Variants in LRRTM4 observed in about 807,000 individuals in gnomAD.
The protein encoded by LRRTM4 is leucine rich repeat transmembrane neuronal 4, also known as leucine-rich repeat transmembrane neuronal protein 4.
LRRTM4 carries 25 observed loss-of-function variants against 47.6 expected under a neutral mutation model. That is an observed-to-expected ratio of 0.53 (90% CI 0.38 to 0.73). The LOEUF (loss-of-function observed/expected upper bound fraction) is 0.73, where lower values mean the gene tolerates loss of function less well. Ranked by LOEUF, LRRTM4 falls within the 30% of genes least tolerant of loss-of-function variation. The pLI is 0.00. For synonymous variants in LRRTM4, 311 were observed against 269.5 expected (o/e 1.15, Z -1.51); for missense variants, 638 against 713.4 (o/e 0.89, Z 1.20).
intron 3 of LRRTM4, among the ~76,000 whole-genome samples, chr2:77,097,514 C>T (rs1670842575): frequency 1.3e-5 from 2 of 151,770 alleles, no homozygotes; most frequent in Admixed American, 1.3e-4. Context: ...ATCACAGTCA[C>T]TGAACAAGAT....
At chr2:77,443,740 A>G (rs1675936474) in intron 3 of LRRTM4, among the ~76,000 whole-genome samples, 1 of 152,152 alleles carries the variant, frequency 6.6e-6, no homozygotes, top group Non-Finnish European at 1.5e-5. Flanking sequence ...TGGGTCTTGT[A>G]ATACTTTATA....
At chr2:76,935,694 G>C (rs561710401) in intron 3 of LRRTM4, among the ~76,000 whole-genome samples, 3 of 152,156 alleles carry the variant, frequency 2.0e-5, no homozygotes, top group African/African-American at 7.2e-5. Context: ...CATTGATTTT[G>C]TATCCTGAGA....
At chr2:77,418,077 A>G (rs1222886933) in intron 3 of LRRTM4, among the ~76,000 whole-genome samples, 2 of 152,144 alleles carry the variant, frequency 1.3e-5, no homozygotes, top group African/African-American at 4.8e-5. Flanking sequence ...GCAAACTTTC[A>G]TTAGGGAAGC....
chr2:76,954,787 T>C (rs897282412), intron 3 of LRRTM4, among the ~76,000 whole-genome samples: 15 of 151,934 alleles, frequency 9.9e-5, no homozygotes, highest in Non-Finnish European at 2.2e-4. Flanking sequence ...TTCTAAGCAA[T>C]ATGAGAAAAG....
chr2:77,459,759 CAAAAAAA>C (rs59472827), intron 3 of LRRTM4, among the ~76,000 whole-genome samples: 1 of 126,334 alleles, frequency 7.9e-6, no homozygotes. Flanking sequence ...CTGGTTTTAG[CAAAAAAA>C]AAAAAAAAAA....
chr2:77,077,190 CTTCTT>C (rs931332074), intron 3 of LRRTM4, among the ~76,000 whole-genome samples: 11 of 152,270 alleles, frequency 7.2e-5, no homozygotes, highest in South Asian at 4.1e-4. Flanking sequence ...TGATATAACA[CTTCTT>C]TTCATGTAGC....
chr2:76,840,741 A>G (rs548967447), intron 3 of LRRTM4, among the ~76,000 whole-genome samples: 1 of 152,298 alleles, frequency 6.6e-6, no homozygotes, highest in East Asian at 1.9e-4. Flanking sequence ...TGATATCTGA[A>G]TTCTTGTTTC....
intron 3 of LRRTM4, among the ~76,000 whole-genome samples, chr2:76,974,197 CATAT>C (rs58279690): frequency 0.012 from 1,414 of 118,112 alleles, 25 homozygotes; most frequent in African/African-American, 0.022. Flanking sequence ...CATATATATA[CATAT>C]ATATATATAC....
intron 3 of LRRTM4, among the ~76,000 whole-genome samples, chr2:77,237,980 T>C (rs1675151185): frequency 6.6e-6 from 1 of 152,094 alleles, no homozygotes; most frequent in Admixed American, 6.6e-5. Flanking sequence ...AACTGGTTGC[T>C]ATGGGTATGG....
Position 76,748,384 on chromosome 2 carries a change from C to G in LRRTM4, c.*311G>C, listed in dbSNP as rs6733240. 1 of 348,296 alleles carries G rather than the reference C, an allele frequency of 2.9e-6. No homozygotes were observed. Among genetic ancestry groups the G allele is most frequent in the Non-Finnish European group, 5.3e-6 (1 of 187,454 alleles). The allele number at this position is 348,296 out of a possible 1,614,324, so 21.6% of individuals were successfully genotyped here. A position where few individuals can be genotyped will look rare whatever the true frequency, so the allele number is the denominator to read the frequency against. Reference sequence around the variant, plus strand: ...AGAAAAATCAAATATACAAACAAACCTATATGTAGCTAGGGTGAAATCTAT... The same window carrying G: ...AGAAAAATCAAATATACAAACAAACGTATATGTAGCTAGGGTGAAATCTAT... On this transcript the variant is annotated 3_prime_UTR_variant, in exon 4 of 4. Transcript: ENST00000409884.
intron 3 of LRRTM4, among the ~76,000 whole-genome samples, chr2:76,816,820 T>G (rs1402569942): frequency 8.6e-5 from 2 of 23,300 alleles, no homozygotes; most frequent in South Asian, 5.2e-3. Flanking sequence ...AGGTAAAGAG[T>G]TTTTTTTTTT....
intron 3 of LRRTM4, among the ~76,000 whole-genome samples, chr2:77,071,848 T>C (rs1680164452): frequency 6.6e-6 from 1 of 152,154 alleles, no homozygotes; most frequent in African/African-American, 2.4e-5. Context: ...ACCCAGCATT[T>C]GTGAAGGAAA....
At chr2:77,178,185 T>C (rs1673250383) in intron 3 of LRRTM4, among the ~76,000 whole-genome samples, 1 of 152,328 alleles carries the variant, frequency 6.6e-6, no homozygotes. Flanking sequence ...AGAAATTGCA[T>C]GTAGGAAAAT....
intron 3 of LRRTM4, among the ~76,000 whole-genome samples, chr2:77,420,282 A>C (rs1413799359): frequency 6.6e-6 from 1 of 152,204 alleles, no homozygotes; most frequent in Non-Finnish European, 1.5e-5. Flanking sequence ...AATTACATAA[A>C]GCCAGCAAGA....
chr2:77,383,721 C>T (rs968147417), intron 3 of LRRTM4, among the ~76,000 whole-genome samples: 3 of 152,056 alleles, frequency 2.0e-5, no homozygotes, highest in Non-Finnish European at 2.9e-5. Context: ...GATAATTCAT[C>T]GCTTGCTCAA....
chr2:76,954,521 G>C (rs932924367), intron 3 of LRRTM4, among the ~76,000 whole-genome samples: 2 of 151,374 alleles, frequency 1.3e-5, no homozygotes, highest in Non-Finnish European at 3.0e-5. Flanking sequence ...AAAAAAAATG[G>C]AAAAGAGGGA....
At chr2:77,413,545 C>T (rs1674521401) in intron 3 of LRRTM4, among the ~76,000 whole-genome samples, 1 of 152,168 alleles carries the variant, frequency 6.6e-6, no homozygotes, top group Non-Finnish European at 1.5e-5. Flanking sequence ...AATGGACAGT[C>T]CATCTGGCTT....
chr2:76,933,845 C>T (rs1558747195), intron 3 of LRRTM4, among the ~76,000 whole-genome samples: 1 of 152,050 alleles, frequency 6.6e-6, no homozygotes, highest in Non-Finnish European at 1.5e-5. Flanking sequence ...TTAGAGTCAG[C>T]CATGACATTT....
At chr2:76,892,979 C>T (rs779208268) in intron 3 of LRRTM4, among the ~76,000 whole-genome samples, 28 of 149,622 alleles carry the variant, frequency 1.9e-4, no homozygotes, top group African/African-American at 4.7e-4. Flanking sequence ...TGTGAAAAGA[C>T]GGAAATCACA....
Sources: allele counts gnomAD v4.1 joint callset (sites outside exome capture counted in the v4.1 genomes callset), GRCh38; gene constraint gnomAD v4.1.1; transcripts MANE v1.5; gene names NCBI Gene and HGNC (gene_info 2026-07-23, HGNC 2026-07-21).